SHQ1: variants seen among roughly 807,000 people sequenced by gnomAD.
SHQ1 encodes the protein protein SHQ1 homolog.
In SHQ1, 49 loss-of-function variants were observed where a neutral mutation model predicts 53.8. The ratio of observed to expected loss-of-function variants is 0.91; its 90% CI spans 0.72 to 1.16. The LOEUF is 1.16. Among genes scored for constraint, SHQ1 ranks in the 50% most tolerant of loss-of-function variants. The pLI, the probability that SHQ1 is intolerant of heterozygous loss-of-function variation, is 0.00. For missense variants in SHQ1, 738 were observed against 683.1 expected, an observed-to-expected ratio of 1.08 and a Z score of -0.90; for synonymous variants, 243 against 251.0, an observed-to-expected ratio of 0.97 and a Z score of 0.30.
intron 10 of SHQ1, among the ~76,000 whole-genome samples, chr3:72,778,450 A>G (rs1706003504): frequency 6.6e-6 from 1 of 152,068 alleles, no homozygotes; most frequent in African/African-American, 2.4e-5. Flanking sequence ...GTCTCTTTAA[A>G]AAAAGAAAAG....
chr3:72,807,792 G>T (rs1263787873), intron 9 of SHQ1, among the ~76,000 whole-genome samples: 5 of 152,056 alleles, frequency 3.3e-5, no homozygotes, highest in Non-Finnish European at 7.4e-5. Flanking sequence ...CTTTCTCATT[G>T]ATTGTGTTAT....
At chr3:72,811,065 G>T (rs972901124) in intron 9 of SHQ1, among the ~76,000 whole-genome samples, 1 of 152,108 alleles carries the variant, frequency 6.6e-6, no homozygotes, top group Non-Finnish European at 1.5e-5. Context: ...CAAGGCAATC[G>T]AATTTATTTT....
At chr3:72,793,145 T>C (rs1706494656) in intron 9 of SHQ1, 109 bp from the exon 10 acceptor site, 2 of 1,020,380 alleles carry the variant, frequency 2.0e-6, no homozygotes, top group Non-Finnish European at 2.8e-6. Flanking sequence ...CTTAAGAACA[T>C]TTTTAAATGC....
At chr3:72,812,574 A>T in intron 9 of SHQ1, 97 bp downstream of exon 9, 2 of 1,335,590 alleles carry the variant, frequency 1.5e-6, no homozygotes, top group South Asian at 1.3e-5. Context: ...TTACTTATTT[A>T]TATACAGTAA....
chr3:72,819,736 T>A (rs1033523457), intron 6 of SHQ1, among the ~76,000 whole-genome samples: 4 of 152,210 alleles, frequency 2.6e-5, no homozygotes, highest in African/African-American at 9.6e-5. Flanking sequence ...GTATTTAATT[T>A]AAAATTTACT....
intron 10 of SHQ1, among the ~76,000 whole-genome samples, chr3:72,784,063 G>A (rs1021207372): frequency 7.9e-5 from 12 of 151,082 alleles, no homozygotes; most frequent in African/African-American, 2.9e-4. Context: ...CCTGGGTAGG[G>A]TACATGGGAA....
At chr3:72,836,975 G>A (rs149104170) in intron 4 of SHQ1, among the ~76,000 whole-genome samples, 115 of 152,274 alleles carry the variant, frequency 7.6e-4, no homozygotes, top group Admixed American at 1.4e-3. Flanking sequence ...TGGGTATCCC[G>A]GAAACAATGG....
chr3:72,753,939 TC>T (rs1033455158), intron 10 of SHQ1, among the ~76,000 whole-genome samples: 3 of 152,194 alleles, frequency 2.0e-5, no homozygotes, highest in Admixed American at 2.0e-4. Context: ...ACTCTGTTTC[TC>T]CATGAAGGGG....
chr3:72,772,891 G>A, intron 10 of SHQ1: 2 of 788,568 alleles, frequency 2.5e-6, no homozygotes, highest in South Asian at 1.4e-5. Context: ...TGAATTGGAA[G>A]CACAGGCTGT....
chr3:72,813,835 T>TC (rs1049741426), intron 8 of SHQ1, among the ~76,000 whole-genome samples: 5 of 148,502 alleles, frequency 3.4e-5, no homozygotes, highest in Admixed American at 1.3e-4. Flanking sequence ...TTTTTCTTTT[T>TC]TTTTTTTTTT....
At chr3:72,788,991 T>G (rs556333556) in intron 10 of SHQ1, among the ~76,000 whole-genome samples, 109 of 151,606 alleles carry the variant, frequency 7.2e-4, no homozygotes, top group Non-Finnish European at 1.2e-3. Flanking sequence ...TTTGTTCACA[T>G]GTTTATCTGC....
intron 5 of SHQ1, among the ~76,000 whole-genome samples, chr3:72,825,551 T>C (rs1707625530): frequency 6.6e-6 from 1 of 152,188 alleles, no homozygotes; most frequent in African/African-American, 2.4e-5. Flanking sequence ...ATTCCTGTTT[T>C]AACTAGAAAA....
rs749525383 is a variant in SHQ1, at chr3:72,812,718, T to G, written c.1013A>C (p.Lys338Thr). The G allele has an allele frequency of 6.2e-7, 1 of 1,614,146 alleles. No individual in the cohort carries two copies. The highest frequency in any genetic ancestry group is 8.5e-7 in the Non-Finnish European group (1 of 1,180,004). Residue 338 changes from lysine (K) to threonine (T), a missense_variant, in exon 9 of 11, where the codon AAG becomes ACG. Lys to Thr is a moderately conservative substitution (Grantham distance 78). Coordinates refer to ENST00000325599, the MANE Select transcript of SHQ1 (RefSeq NM_018130.3). ...GTCCCTGTAGGCCTTCATCACCAGC[T>G]TGAAATGGCGATAGAGTGGGTAACA... ...VLCYPLYRHF[K>T]LVMKAYRDTI...
chr3:72,748,140 C>T (rs939334341), downstream of SHQ1, among the ~76,000 whole-genome samples: 3 of 151,528 alleles, frequency 2.0e-5, no homozygotes, highest in Non-Finnish European at 4.4e-5. Context: ...AATAATTTGC[C>T]CTAGACTGAG....
chr3:72,758,266 A>G (rs891203016), intron 10 of SHQ1, among the ~76,000 whole-genome samples: 5 of 152,186 alleles, frequency 3.3e-5, no homozygotes, highest in African/African-American at 1.2e-4. Flanking sequence ...AAAACATTCA[A>G]TCTCTAAGAA....
intron 10 of SHQ1, among the ~76,000 whole-genome samples, chr3:72,778,815 C>G (rs769109597): frequency 6.6e-6 from 1 of 152,122 alleles, no homozygotes; most frequent in African/African-American, 2.4e-5. Flanking sequence ...GAAAAGATTC[C>G]TCTAACAAAA....
At chr3:72,772,896 G>A (rs889238526) in intron 10 of SHQ1, 7 of 791,628 alleles carry the variant, frequency 8.8e-6, no homozygotes, top group Non-Finnish European at 1.6e-5. Flanking sequence ...TGGAAGCACA[G>A]GCTGTTACAA....
At chr3:72,764,134 C>A (rs552932397) in intron 10 of SHQ1, among the ~76,000 whole-genome samples, 1 of 151,996 alleles carries the variant, frequency 6.6e-6, no homozygotes. Flanking sequence ...AAATGCTATG[C>A]TTTTACACTA....
intron 10 of SHQ1, chr3:72,772,414 G>T: frequency 2.8e-6 from 1 of 354,380 alleles, no homozygotes; most frequent in South Asian, 2.4e-5. Context: ...AAACCATCAA[G>T]AACTTCTGAG....
Sources: gnomAD v4.1 joint callset for allele counts (sites outside exome capture counted in the v4.1 genomes callset) on GRCh38, gnomAD v4.1.1 for gene constraint, MANE v1.5 for transcripts, NCBI Gene and HGNC (gene_info 2026-07-23, HGNC 2026-07-21) for gene names.